Variants in GIGYF2 observed in about 807,000 individuals in gnomAD.
GIGYF2 encodes GRB10 interacting GYF protein 2.
GIGYF2 carries 25 observed loss-of-function variants against 208.1 expected under a neutral mutation model. The observed-to-expected ratio is 0.12, with a 90% CI of 0.09 to 0.17. The LOEUF (loss-of-function observed/expected upper bound fraction) is 0.17, where lower values mean the gene tolerates loss of function less well. Ranked by LOEUF, GIGYF2 falls within the 10% of genes least tolerant of loss-of-function variation. GIGYF2 has a pLI of 1.00. For synonymous variants in GIGYF2, 534 were observed against 543.8 expected, an observed-to-expected ratio of 0.98 and a Z score of 0.25; for missense variants, 1,302 against 1,579.4, an observed-to-expected ratio of 0.82 and a Z score of 2.98.
rs1032167938 is a variant in GIGYF2 at position 232,738,005 on chromosome 2, C to T, written c.41+2767C>T. The stretch of plus-strand genomic sequence containing the variant: ...GATCTCAGCTCACTGCAACCTCTGC[C>T]TCCAGGGTTCAAGTGATTCTTCTCC... On this transcript the variant is annotated intron_variant, in intron 3 of 28. Coordinates refer to ENST00000373563, the MANE Select transcript of GIGYF2 (RefSeq NM_001103146.3). 1.7e-4 allele frequency among the ~76,000 whole-genome samples: 26 copies of T among 149,880 alleles called. 1 individual carries two copies. Among genetic ancestry groups the T allele is most frequent in the African/African-American group, 4.4e-4 (18 of 40,698 alleles).
chr2:232,701,325 A>G (rs1695829600), intron 1 of GIGYF2, among the ~76,000 whole-genome samples: 1 of 151,594 alleles, frequency 6.6e-6, no homozygotes, highest in African/African-American at 2.4e-5. Flanking sequence ...CAGCGGCCTG[A>G]TCTTGGCTCA....
intron 2 of GIGYF2, among the ~76,000 whole-genome samples, chr2:232,720,090 C>A (rs1696868837): frequency 6.6e-6 from 1 of 152,168 alleles, no homozygotes; most frequent in African/African-American, 2.4e-5. Context: ...GCTATCCCTC[C>A]CCAAGTCCCC....
chr2:232,831,231 G>T (rs1701417542), intron 21 of GIGYF2, among the ~76,000 whole-genome samples: 1 of 152,174 alleles, frequency 6.6e-6, no homozygotes, highest in African/African-American at 2.4e-5. Context: ...GGACTGTACT[G>T]ACTCCTTGGA....
chr2:232,809,619 G>C (rs1700670435), intron 15 of GIGYF2, 101 bp from the exon 16 acceptor site: 7 of 764,220 alleles, frequency 9.2e-6, no homozygotes, highest in Admixed American at 9.0e-5. Context: ...GGGAGGTAAA[G>C]GTCTTAGATT....
chr2:232,776,281 A>G, intron 8 of GIGYF2: 1 of 511,872 alleles, frequency 2.0e-6, no homozygotes, highest in Non-Finnish European at 3.5e-6. Context: ...CATTTTTAAG[A>G]TTTAAGGGAA....
intron 3 of GIGYF2, among the ~76,000 whole-genome samples, chr2:232,737,511 C>T (rs892761867): frequency 1.3e-5 from 2 of 152,106 alleles, no homozygotes; most frequent in Admixed American, 1.3e-4. Flanking sequence ...TATCATCTGT[C>T]AAAATTCCTT....
intron 8 of GIGYF2, among the ~76,000 whole-genome samples, chr2:232,786,404 A>C (rs181777529): frequency 9.2e-5 from 14 of 152,152 alleles, no homozygotes; most frequent in African/African-American, 3.4e-4. Context: ...CACCCAGCTA[A>C]TTTTTGTATT....
Position 232,847,487 on chromosome 2 carries a change from C to A in GIGYF2, c.3600C>A (p.Ala1200=). Residue 1200 remains alanine, a synonymous_variant, in exon 27 of 29, where the codon GCC becomes GCA. Transcript: ENST00000373563. ...TTGAGCGCCGTGCCAAACAGAAAGC[C>A]AACCAGCAGCGTCAGCAGCAGCAGC... The part of the protein sequence containing the change: ...QFLERRAKQK[A]NQQRQQQQLP... 1 of 1,607,298 alleles carries A rather than the reference C, an allele frequency of 6.2e-7. No individual in the cohort carries two copies. The highest frequency in any genetic ancestry group is 1.1e-5 in the South Asian group (1 of 90,896).
At chr2:232,724,079 C>T (rs577058379) in intron 2 of GIGYF2, among the ~76,000 whole-genome samples, 8 of 148,256 alleles carry the variant, frequency 5.4e-5, no homozygotes, top group Admixed American at 6.7e-5. Context: ...CTTGCTCTGT[C>T]ACCCAGGCTG....
rs1690600423 is a variant in GIGYF2 at position 232,856,926 on chromosome 2, C to T, written c.*66C>T. 3 of 997,148 alleles carry T rather than the reference C, an allele frequency of 3.0e-6. No individual in the cohort carries two copies. The highest frequency in any genetic ancestry group is 1.6e-6 in the Non-Finnish European group (1 of 616,098). 61.8% of individuals were successfully genotyped at this position (997,148 alleles called of 1,614,324 possible). A position where few individuals can be genotyped will look rare whatever the true frequency, so the allele number is the denominator to read the frequency against. ...ACTATGGAGTCTCCACCTTTGGACA[C>T]AACACTTACTCACCATTTACTCTTT... On this transcript the variant is annotated 3_prime_UTR_variant, in exon 29 of 29. Transcript: ENST00000373563.
chr2:232,809,863 A>G lies in GIGYF2; in HGVS notation c.1898+52A>G, dbSNP rs147587002. ...ACTGCAGCATGAAAAAGGACTTTAAATAGAATCTGCTCTCAAGTCTCACCT... is the reference window on the plus strand; with the variant it reads ...ACTGCAGCATGAAAAAGGACTTTAAGTAGAATCTGCTCTCAAGTCTCACCT... On this transcript the variant is annotated intron_variant, in intron 16 of 28. Coordinates refer to ENST00000373563, the MANE Select transcript of GIGYF2 (RefSeq NM_001103146.3). 5.3e-4 allele frequency: 531 copies of G among 1,007,216 alleles called. 5 individuals are homozygous for G. The East Asian group carries it at 0.011, about 20-fold the overall frequency. 62.4% of individuals were successfully genotyped at this position (1,007,216 alleles called of 1,614,324 possible). A position where few individuals can be genotyped will look rare whatever the true frequency, so the allele number is the denominator to read the frequency against.
intron 4 of GIGYF2, among the ~76,000 whole-genome samples, chr2:232,748,384 G>T (rs902820273): frequency 1.3e-5 from 2 of 152,180 alleles, no homozygotes; most frequent in African/African-American, 4.8e-5. Flanking sequence ...CCAGGTTCAG[G>T]TGATTCTTGT....
rs73106309 is a variant in GIGYF2, at chr2:232,807,642, A to G, written c.1806+985A>G. 6.0e-3 allele frequency among the ~76,000 whole-genome samples: 920 copies of G among 152,326 alleles called. 12 individuals carry two copies. Among genetic ancestry groups the G allele is most frequent in the African/African-American group, 0.021 (869 of 41,574 alleles). On this transcript the variant is annotated intron_variant, in intron 15 of 28. Coordinates refer to ENST00000373563, the MANE Select transcript of GIGYF2 (RefSeq NM_001103146.3). ...TGGGCTGCTCTTGGACCCTCTCAGT[A>G]GTGTTCCTTTTGGAGGTCTTTCACC...
intron 5 of GIGYF2, among the ~76,000 whole-genome samples, chr2:232,755,683 T>A (rs1051730758): frequency 6.6e-6 from 1 of 152,228 alleles, no homozygotes; most frequent in African/African-American, 2.4e-5. Context: ...AGATGGTTGC[T>A]CTTGTTTAGA....
intron 8 of GIGYF2, 51 bp downstream of exon 8, chr2:232,761,487 A>T: frequency 9.5e-7 from 1 of 1,057,712 alleles, no homozygotes; most frequent in Non-Finnish European, 1.5e-6. Context: ...AAATTGACTC[A>T]GTTACCTGCA....
chr2:232,834,292 C>T (rs1292563728), intron 22 of GIGYF2, among the ~76,000 whole-genome samples: 2 of 152,120 alleles, frequency 1.3e-5, no homozygotes, highest in African/African-American at 4.8e-5. Context: ...CAGTCATTCT[C>T]AGAGTTCCGT....
chr2:232,802,932 C>T (rs1318670981), intron 14 of GIGYF2, among the ~76,000 whole-genome samples: 1 of 149,426 alleles, frequency 6.7e-6, no homozygotes, highest in Non-Finnish European at 1.5e-5. Flanking sequence ...CAGAGTCTAG[C>T]TCTGTCGGCC....
intron 1 of GIGYF2, among the ~76,000 whole-genome samples, chr2:232,702,330 T>C (rs1486592528): frequency 6.6e-6 from 1 of 151,956 alleles, no homozygotes; most frequent in South Asian, 2.1e-4. Context: ...TCCTAGCTTC[T>C]CGGGAGGCTG....
chr2:232,844,475 C>G lies in GIGYF2; in HGVS notation c.3206C>G (p.Ala1069Gly). 6.2e-7 allele frequency: 1 copy of G among 1,611,716 alleles called. No homozygotes were observed. Among genetic ancestry groups the G allele is most frequent in the Non-Finnish European group, 8.5e-7 (1 of 1,177,856 alleles). Residue 1069 changes from alanine to glycine, a missense_variant, in exon 25 of 29, where the codon GCT (alanine) becomes GGT (glycine). Around this residue, in one of 8 missense-constraint regions of GIGYF2, gnomAD observed 701 missense variants for 793.0 expected, o/e 0.88. Coordinates refer to ENST00000373563, the MANE Select transcript of GIGYF2 (RefSeq NM_001103146.3). ...CTAGTCAGTAGTATTTGGAGTAATG[C>G]TGACACTAAAAACTCCAACATGGGA... is the stretch of plus-strand genomic sequence containing the variant. ...SDLVSSIWSN[A>G]DTKNSNMGFW...
Sources: gnomAD v4.1 joint callset for allele counts (sites outside exome capture counted in the v4.1 genomes callset) on GRCh38, gnomAD v4.1.1 for gene constraint, gnomAD v4.1.1 regional missense constraint, MANE v1.5 for transcripts, NCBI Gene and HGNC (gene_info 2026-07-23, HGNC 2026-07-21) for gene names.